The following ATP6V1C2 variants were observed in gnomAD, a reference collection of about 807,000 sequenced individuals.
The protein encoded by ATP6V1C2 is V-type proton ATPase subunit C 2.
Under a neutral mutation model 56.8 loss-of-function variants are expected in ATP6V1C2, and 45 were observed. The observed-to-expected ratio is 0.79, with a 90% CI of 0.62 to 1.02. The LOEUF is 1.02. Ranked by LOEUF, ATP6V1C2 falls within the 50% of genes least tolerant of loss-of-function variation. The pLI is 0.00. For synonymous variants in ATP6V1C2, 220 were observed against 201.3 expected (o/e 1.09, Z -0.79); for missense variants, 463 against 519.7 (o/e 0.89, Z 1.06).
At chr2:10,782,863 A>G (rs1400105826) in intron 13 of ATP6V1C2, among the ~76,000 whole-genome samples, 1 of 128,778 alleles carries the variant, frequency 7.8e-6, no homozygotes. Flanking sequence ...AAAAAAAAAA[A>G]TTTGCCAGGA....
At chr2:10,772,919 T>C (rs1664721312) in intron 8 of ATP6V1C2, among the ~76,000 whole-genome samples, 1 of 152,140 alleles carries the variant, frequency 6.6e-6, no homozygotes, top group Admixed American at 6.5e-5. Context: ...CGGCTCAGCG[T>C]CAATTCTTCC....
At chr2:10,730,711 G>A (rs375849189) in intron 3 of ATP6V1C2, among the ~76,000 whole-genome samples, 87 of 146,556 alleles carry the variant, frequency 5.9e-4, no homozygotes, top group African/African-American at 2.1e-3. Flanking sequence ...GGAGTGCAAT[G>A]GCACAATCTC....
At chr2:10,756,379 A>G (rs1344563549) in intron 4 of ATP6V1C2, among the ~76,000 whole-genome samples, 1 of 151,340 alleles carries the variant, frequency 6.6e-6, no homozygotes, top group Non-Finnish European at 1.5e-5. Flanking sequence ...AAAAAACAAC[A>G]ATAGATAATA....
chr2:10,742,073 C>T (rs1369208834), intron 3 of ATP6V1C2, among the ~76,000 whole-genome samples: 1 of 152,112 alleles, frequency 6.6e-6, no homozygotes, highest in Non-Finnish European at 1.5e-5. Context: ...CCACACCCAG[C>T]TAATTTTTAT....
At position 10,738,466 on chromosome 2, in the gene ATP6V1C2, G is replaced by A. The variant is rs764544896; in HGVS notation, c.197+11897G>A. ...GCTCGAGGCAATGTTGTGAAATCCCGAAATCATTCTTTGGAGGTTAAATTT... is the reference window on the plus strand; with the variant it reads ...GCTCGAGGCAATGTTGTGAAATCCCAAAATCATTCTTTGGAGGTTAAATTT... On this transcript the variant is annotated intron_variant, in intron 3 of 13. Coordinates refer to ENST00000272238, the MANE Select transcript of ATP6V1C2 (RefSeq NM_001039362.2). Among the ~76,000 whole-genome samples the A allele has an allele frequency of 3.7e-4, 56 of 152,270 alleles. 1 individual carries two copies. The highest frequency in any genetic ancestry group is 1.2e-3 in the African/African-American group (49 of 41,544).
At position 10,778,546 on chromosome 2, in the gene ATP6V1C2, G is replaced by A. The variant is rs887502887; in HGVS notation, c.964-26G>A. 1.9e-6 allele frequency: 3 copies of A among 1,610,964 alleles called. No individual in the cohort carries two copies. In the South Asian group the frequency reaches 3.3e-5, roughly 18 times the overall value. On this transcript the variant is annotated intron_variant, in intron 11 of 13. Transcript: ENST00000272238. ...GTGTCAGGCGGGGTGTTCAGCAGGG[G>A]TCACCTGGCTCTTCTGTCTTTGCAG...
rs1365210614 is a variant in ATP6V1C2 at position 10,780,620 on chromosome 2, C to T, written c.1062-1623C>T. ...TAATATACATGGCCCCAGATCAACCCTGCCCGGCTCAGAAGTCGGTTGCTC... is the reference window on the plus strand; with the variant it reads ...TAATATACATGGCCCCAGATCAACCTTGCCCGGCTCAGAAGTCGGTTGCTC... On this transcript the variant is annotated intron_variant, in intron 12 of 13. Transcript: ENST00000272238. The surrounding 1 kb of genome is among the most constrained non-coding windows in gnomAD (Gnocchi z 4.1). 2.6e-5 allele frequency among the ~76,000 whole-genome samples: 4 copies of T among 152,246 alleles called. No homozygotes were observed. The highest frequency in any genetic ancestry group is 4.4e-5 in the Non-Finnish European group (3 of 68,040).
At position 10,778,605 on chromosome 2, in the gene ATP6V1C2, A is replaced by T. The variant is rs369577489; in HGVS notation, c.997A>T (p.Ser333Cys). 5.6e-6 allele frequency: 9 copies of T among 1,614,084 alleles called. No individual in the cohort carries two copies. In the African/African-American group the frequency reaches 1.2e-4, roughly 22 times the overall value. The change falls in exon 12 of 14, where the codon AGT (serine) becomes TGT (cysteine). Residue 333 changes from serine (S) to cysteine (C), a missense_variant. Transcript: ENST00000272238. ...GCTGCGCTGGCTCAAGGTGAACTTCAGTGAAGCCTTCATTGCCTGGATCCA... is the reference window on the plus strand; with the variant it reads ...GCTGCGCTGGCTCAAGGTGAACTTCTGTGAAGCCTTCATTGCCTGGATCCA... ...PLLRWLKVNF[S>C]EAFIAWIHIK...
intron 3 of ATP6V1C2, among the ~76,000 whole-genome samples, chr2:10,731,119 TA>T (rs1268342741): frequency 6.6e-6 from 1 of 152,080 alleles, no homozygotes; most frequent in Non-Finnish European, 1.5e-5. Flanking sequence ...CAGCTAATTT[TA>T]AAATTTTTTG....
At chr2:10,746,661 C>T (rs1468864753) in intron 3 of ATP6V1C2, among the ~76,000 whole-genome samples, 4 of 152,186 alleles carry the variant, frequency 2.6e-5, no homozygotes, top group Admixed American at 6.5e-5. Flanking sequence ...CCACCCGCCT[C>T]GGCCTTCCAA....
chr2:10,757,549 G>T, intron 4 of ATP6V1C2: 1 of 398,286 alleles, frequency 2.5e-6, no homozygotes, highest in South Asian at 1.3e-4. Context: ...TTGGTACAGT[G>T]ATCAAGTTAC....
chr2:10,772,674 C>T, intron 8 of ATP6V1C2, 64 bp downstream of exon 8: 2 of 1,415,720 alleles, frequency 1.4e-6, no homozygotes, highest in Non-Finnish European at 2.0e-6. Context: ...TTCAGGGCAC[C>T]CAACCACCAA....
At chr2:10,741,505 G>C (rs1662548405) in intron 3 of ATP6V1C2, among the ~76,000 whole-genome samples, 1 of 152,136 alleles carries the variant, frequency 6.6e-6, no homozygotes, top group Admixed American at 6.5e-5. Flanking sequence ...GTGGCTGCAG[G>C]AGTGAGGCTA....
chr2:10,776,707 AC>A (rs980743713), intron 10 of ATP6V1C2, among the ~76,000 whole-genome samples: 1 of 152,098 alleles, frequency 6.6e-6, no homozygotes, highest in Admixed American at 6.5e-5. Context: ...CTGCTGGGGG[AC>A]AGGTGGCGAA....
Position 10,782,264 on chromosome 2 carries a change from C to G in ATP6V1C2, c.1083C>G (p.Phe361Leu), listed in dbSNP as rs1426019346. 2.5e-6 allele frequency: 4 copies of G among 1,614,060 alleles called. No homozygotes were observed. The highest frequency in any genetic ancestry group is 3.4e-6 in the Non-Finnish European group (4 of 1,180,044). ...SVLRYGLPVN[F>L]QAVLLQPHKK... is the part of the protein sequence containing the mutation. ...AAAGGTATGGACTACCAGTGAACTT[C>G]CAGGCAGTGCTCCTGCAGCCGCATA... Residue 361 changes from phenylalanine to leucine, a missense_variant, in exon 13 of 14, where the codon TTC (phenylalanine) becomes TTG (leucine). Physicochemically the swap from Phe to Leu is conservative, Grantham distance 22. Transcript: ENST00000272238.
At chr2:10,739,591 A>C (rs924479484) in intron 3 of ATP6V1C2, among the ~76,000 whole-genome samples, 1 of 151,984 alleles carries the variant, frequency 6.6e-6, no homozygotes, top group Non-Finnish European at 1.5e-5. Context: ...ATCCCAGAAG[A>C]CTGCTCACCC....
rs1349194681 is a variant in ATP6V1C2 at position 10,775,022 on chromosome 2, G to A, written c.776G>A (p.Arg259Lys). 1 of 1,613,992 alleles carries A rather than the reference G, an allele frequency of 6.2e-7. No individual in the cohort carries two copies. The highest frequency in any genetic ancestry group is 1.3e-5 in the African/African-American group (1 of 74,918). Reference sequence around the variant, plus strand: ...TACTATGATGAGAAGGAAATTGAAAGGGAAAGGGAGGAGATGGCCAGATTG... The same window carrying A: ...TACTATGATGAGAAGGAAATTGAAAAGGAAAGGGAGGAGATGGCCAGATTG... ...EFYYDEKEIE[R>K]EREEMARLLS... The change falls in exon 10 of 14, where the codon AGG becomes AAG. Residue 259 changes from arginine to lysine, a missense_variant. Arg to Lys is a conservative substitution (Grantham distance 26). Coordinates refer to ENST00000272238, the MANE Select transcript of ATP6V1C2 (RefSeq NM_001039362.2).
At chr2:10,770,595 C>T (rs1326290431) in intron 6 of ATP6V1C2, among the ~76,000 whole-genome samples, 1 of 152,238 alleles carries the variant, frequency 6.6e-6, no homozygotes. Flanking sequence ...TGGCATCACC[C>T]TGAGATGGAT....
At chr2:10,742,883 C>G (rs1382564104) in intron 3 of ATP6V1C2, among the ~76,000 whole-genome samples, 1 of 152,178 alleles carries the variant, frequency 6.6e-6, no homozygotes, top group East Asian at 1.9e-4. Context: ...CCTGATCCCC[C>G]ACCGCAGCTT....
Sources: gnomAD v4.1 joint callset for allele counts (sites outside exome capture counted in the v4.1 genomes callset) on GRCh38, gnomAD v4.1.1 for gene constraint, Gnocchi (gnomAD v3.1) non-coding constraint, MANE v1.5 for transcripts, NCBI Gene and HGNC (gene_info 2026-07-23, HGNC 2026-07-21) for gene names.